MMP13: variants seen among roughly 807,000 people sequenced by gnomAD.
MMP13 encodes matrix metallopeptidase 13, also known as collagenase 3.
Under a neutral mutation model 52.1 loss-of-function variants are expected in MMP13, and 45 were observed. The ratio of observed to expected loss-of-function variants is 0.86; its 90% CI spans 0.68 to 1.11. The LOEUF is 1.11. Among genes scored for constraint, MMP13 ranks in the 50% least tolerant of loss-of-function variants. The probability of loss-of-function intolerance (pLI) is 0.00; values close to 1 mark genes in which losing one functional copy is unlikely to be tolerated. For missense variants in MMP13, 576 were observed against 583.8 expected (o/e 0.99, Z 0.14); for synonymous variants, 200 against 204.4 (o/e 0.98, Z 0.18).
rs1164162348 is a variant in MMP13 at position 102,943,051 on chromosome 11, C to A, written c.*1215G>T. ...CATAAACACTTCCTAATACACTTTG[C>A]AAATATGCATTTCATTTTCTTTGCC... is the stretch of plus-strand genomic sequence containing the variant. On this transcript the variant is annotated 3_prime_UTR_variant, in exon 10 of 10. Transcript: ENST00000260302. 1 of 152,218 alleles carries A rather than the reference C, an allele frequency of 6.6e-6. No individual in the cohort carries two copies. The highest frequency in any genetic ancestry group is 2.4e-5 in the African/African-American group (1 of 41,466). 9.4% of individuals were successfully genotyped at this position (152,218 alleles called of 1,614,324 possible). A position where few individuals can be genotyped will look rare whatever the true frequency, so the allele number is the denominator to read the frequency against.
intron 9 of MMP13, chr11:102,945,228 A>G: frequency 1.3e-6 from 1 of 760,082 alleles, no homozygotes. Context: ...TGGGTGACAG[A>G]GTGAGACTCT....
At position 102,955,499 on chromosome 11, in the gene MMP13, A is replaced by G. The variant is rs1860683629; in HGVS notation, c.121-6T>C. ...TAGTATGATCTCAGGTAGCGCTAGA[A>G]AAGACACCAAAATGAACTGCGTTTA... On this transcript the variant is annotated splice_region_variant and splice_polypyrimidine_tract_variant and intron_variant, in intron 1 of 9. Coordinates refer to ENST00000260302, the MANE Select transcript of MMP13 (RefSeq NM_002427.4). This position sits in a 1 kb window ranked among gnomAD's most constrained non-coding sequence, Gnocchi z 4.9. The G allele has an allele frequency of 6.2e-7, 1 of 1,614,008 alleles. No homozygotes were observed. Among genetic ancestry groups the G allele is most frequent in the Non-Finnish European group, 8.5e-7 (1 of 1,179,906 alleles).
In MMP13 at chr11:102,952,833, A is replaced by G. The variant is rs759942602; in HGVS notation, c.638-660T>C. 1.1e-4 allele frequency among the ~76,000 whole-genome samples: 16 copies of G among 152,164 alleles called. No homozygotes were observed. Among genetic ancestry groups the G allele is most frequent in the Non-Finnish European group, 2.1e-4 (14 of 68,010 alleles). On this transcript the variant is annotated intron_variant, in intron 4 of 9. Transcript: ENST00000260302. The surrounding 1 kb of genome is among the most constrained non-coding windows in gnomAD (Gnocchi z 4.3). ...TTCCCTCTAAGCATTCTGTCTGCCA[A>G]TTTTGAGCCTCCTAATGCAGGTATT...
chr11:102,954,312 AT>A, intron 3 of MMP13, 31 bp from the exon 4 acceptor site: 2 of 1,613,588 alleles, frequency 1.2e-6, no homozygotes, highest in Non-Finnish European at 1.7e-6. Flanking sequence ...TAGGAGTCTT[AT>A]CACATCCAGG....
chr11:102,946,850 G>A (rs1284537792), intron 8 of MMP13, among the ~76,000 whole-genome samples: 1 of 152,114 alleles, frequency 6.6e-6, no homozygotes, highest in Non-Finnish European at 1.5e-5. Context: ...AGGCAAAGAT[G>A]ATATATACAG....
chr11:102,949,581 G>T lies in MMP13; in HGVS notation c.918-423C>A, dbSNP rs1860575056. Among the ~76,000 whole-genome samples the T allele has an allele frequency of 6.6e-6, 1 of 152,152 alleles. No homozygotes were observed. The highest frequency in any genetic ancestry group is 2.4e-5 in the African/African-American group (1 of 41,434). ...GCCCCACGAGTACAATGTAATTAGAGTTATAACAGAGGGGATAAACATGCT... is the reference window on the plus strand; with the variant it reads ...GCCCCACGAGTACAATGTAATTAGATTTATAACAGAGGGGATAAACATGCT... On this transcript the variant is annotated intron_variant, in intron 6 of 9. Transcript: ENST00000260302. The surrounding 1 kb of genome is among the most constrained non-coding windows in gnomAD (Gnocchi z 4.2).
At chr11:102,950,579 A>AT (rs754221775) in intron 5 of MMP13, among the ~76,000 whole-genome samples, 16 of 152,146 alleles carry the variant, frequency 1.1e-4, no homozygotes, top group Non-Finnish European at 1.5e-4. Context: ...CCTTAAAGCC[A>AT]TTTTTGATGG....
intron 8 of MMP13, among the ~76,000 whole-genome samples, chr11:102,946,518 G>C (rs1264916638): frequency 6.6e-6 from 1 of 152,214 alleles, no homozygotes; most frequent in Admixed American, 6.5e-5. Flanking sequence ...GAAATGTCAT[G>C]GGAGTACAGG....
rs1166412491 is a variant in MMP13, at chr11:102,952,646, A to G, written c.638-473T>C. On this transcript the variant is annotated intron_variant, in intron 4 of 9. Transcript: ENST00000260302. This position sits in a 1 kb window ranked among gnomAD's most constrained non-coding sequence, Gnocchi z 4.3. ...GGATGGTACCAAGGATGGAGGATGC[A>G]CTAAATAGGTTCTCTGTGTTTACTC... Among the ~76,000 whole-genome samples, 1 of 152,154 alleles carries G rather than the reference A, an allele frequency of 6.6e-6. No homozygotes were observed. The highest frequency in any genetic ancestry group is 1.9e-4 in the East Asian group (1 of 5,190).
At chr11:102,945,609 A>G in intron 9 of MMP13, 37 bp downstream of exon 9, 1 of 1,244,832 alleles carries the variant, frequency 8.0e-7, no homozygotes, top group Non-Finnish European at 1.2e-6. Flanking sequence ...GGGCTACAGA[A>G]GCTCCTCTTT....
Position 102,952,803 on chromosome 11 carries a change from C to T in MMP13, c.638-630G>A, listed in dbSNP as rs1395570656. On this transcript the variant is annotated intron_variant, in intron 4 of 9. Coordinates refer to ENST00000260302, the MANE Select transcript of MMP13 (RefSeq NM_002427.4). The surrounding 1 kb of genome is among the most constrained non-coding windows in gnomAD (Gnocchi z 4.3). ...GAAGACTACTATGTCACTGTATTTA[C>T]ATTGTTCCCTCTAAGCATTCTGTCT... Among the ~76,000 whole-genome samples, 2 of 152,142 alleles carry T rather than the reference C, an allele frequency of 1.3e-5. No homozygotes were observed. The highest frequency in any genetic ancestry group is 4.8e-5 in the African/African-American group (2 of 41,442).
intron 9 of MMP13, chr11:102,945,265 A>G (rs1044588370): frequency 2.1e-6 from 2 of 962,464 alleles, no homozygotes; most frequent in African/African-American, 1.8e-5. Context: ...AAGGTTGAGA[A>G]CATAATTAAA....
Position 102,955,621 on chromosome 11 carries a change from C to T in MMP13, c.85G>A (p.Asp29Asn), listed in dbSNP as rs150142500. ...TGGAGGTCTTCCTCAGACAAATCATCTTCATCACCACCACTGGGAAGGGGC... is the reference window on the plus strand; with the variant it reads ...TGGAGGTCTTCCTCAGACAAATCATTTTCATCACCACCACTGGGAAGGGGC... ...ALPLPSGGDE[D>N]DLSEEDLQFA... The change falls in exon 1 of 10, where the codon GAT (aspartate) becomes AAT (asparagine). Residue 29 changes from aspartate (D) to asparagine (N), a missense_variant. By Grantham distance (23) the Asp-to-Asn change is conservative. Coordinates refer to ENST00000260302, the MANE Select transcript of MMP13 (RefSeq NM_002427.4). This position sits in a 1 kb window ranked among gnomAD's most constrained non-coding sequence, Gnocchi z 4.9. 4 of 1,614,056 alleles carry T rather than the reference C, an allele frequency of 2.5e-6. No individual in the cohort carries two copies. Among genetic ancestry groups the T allele is most frequent in the Non-Finnish European group, 1.7e-6 (2 of 1,179,932 alleles).
rs1860536315 is a variant in MMP13, at chr11:102,947,756, G to A, written c.1211+135C>T. On this transcript the variant is annotated intron_variant, in intron 8 of 9. Coordinates refer to ENST00000260302, the MANE Select transcript of MMP13 (RefSeq NM_002427.4). ...TACATGTCTGAGGGTCTGCCTGAAA[G>A]AGCTGACATGGAATGAAAATGAATG... is the stretch of plus-strand genomic sequence containing the variant. 3 of 969,654 alleles carry A rather than the reference G, an allele frequency of 3.1e-6. No homozygotes were observed. In the African/African-American group the frequency reaches 4.8e-5, roughly 16 times the overall value. The allele number at this position is 969,654 out of a possible 1,614,324, so 60.1% of individuals were successfully genotyped here. A position where few individuals can be genotyped will look rare whatever the true frequency, so the allele number is the denominator to read the frequency against.
chr11:102,945,719 T>G lies in MMP13; in HGVS notation c.1242A>C (p.Lys414Asn). 6.3e-7 allele frequency: 1 copy of G among 1,597,028 alleles called. No homozygotes were observed. Among genetic ancestry groups the G allele is most frequent in the Non-Finnish European group, 8.6e-7 (1 of 1,165,676 alleles). ...RYDDTNHIMDKDYPRLIEEDF... is the reference protein window; with the variant it reads ...RYDDTNHIMDNDYPRLIEEDF... ...CTTCTTCTATTAGTCTCGGATAGTCTTTATCCATAATATGGTTAGTATCAT... is the reference window on the plus strand; with the variant it reads ...CTTCTTCTATTAGTCTCGGATAGTCGTTATCCATAATATGGTTAGTATCAT... The change falls in exon 9 of 10, where the codon AAA becomes AAC. Residue 414 changes from lysine (K) to asparagine (N), a missense_variant. By Grantham distance (94) the Lys-to-Asn change is moderately conservative. Transcript: ENST00000260302.
At chr11:102,947,800 A>T in intron 8 of MMP13, 91 bp downstream of exon 8, 1 of 1,380,966 alleles carries the variant, frequency 7.2e-7, no homozygotes, top group South Asian at 1.2e-5. Flanking sequence ...GACATTTACA[A>T]TAGTGTGTAG....
Position 102,954,568 on chromosome 11 carries a change from A to C in MMP13, c.401T>G (p.Val134Gly), listed in dbSNP as rs1860666939. 1.9e-6 allele frequency: 3 copies of C among 1,613,672 alleles called. No homozygotes were observed. Among genetic ancestry groups the C allele is most frequent in the Non-Finnish European group, 2.5e-6 (3 of 1,179,698 alleles). ...GAAGGCTTTTTTGAATGCCTTTTCG[A>C]CTTCAGAATGAGTCATATCAGGGGT... ...NYTPDMTHSE[V>G]EKAFKKAFKV... Residue 134 changes from valine to glycine, a missense_variant, in exon 3 of 10, where the codon GTC (valine) becomes GGC (glycine). Physicochemically the swap from Val to Gly is moderately radical, Grantham distance 109 (BLOSUM62 -3). Coordinates refer to ENST00000260302, the MANE Select transcript of MMP13 (RefSeq NM_002427.4).
At position 102,944,373 on chromosome 11, in the gene MMP13, G is replaced by GAA. The variant is rs781796295; in HGVS notation, c.1316-9_1316-8dup. ...TTGAAAAAATAGATATAACCTATAAGAAAAAGCATAAAGACAATTTCAGAG... is the reference window on the plus strand; with the variant it reads ...TTGAAAAAATAGATATAACCTATAAGAAAAAAAGCATAAAGACAATTTCAGAG... On this transcript the variant is annotated splice_region_variant and splice_polypyrimidine_tract_variant and intron_variant, in intron 9 of 9. Transcript: ENST00000260302. 203 of 1,572,168 alleles carry GAA rather than the reference G, an allele frequency of 1.3e-4. 1 individual carries two copies. In the African/African-American group the frequency reaches 2.3e-3, roughly 18 times the overall value.
rs1565255357 is a variant in MMP13 at position 102,952,199 on chromosome 11, G to GA, written c.638-27dup. Reference sequence around the variant, plus strand: ...CTGTAAGAAAACAAAGAAACAATGAGAAAAAAAGGAATTCCAGTGACCAGG... The same window carrying GA: ...CTGTAAGAAAACAAAGAAACAATGAGAAAAAAAAGGAATTCCAGTGACCAGG... On this transcript the variant is annotated intron_variant, in intron 4 of 9. Coordinates refer to ENST00000260302, the MANE Select transcript of MMP13 (RefSeq NM_002427.4). This position sits in a 1 kb window ranked among gnomAD's most constrained non-coding sequence, Gnocchi z 4.3. 5 of 1,610,208 alleles carry GA rather than the reference G, an allele frequency of 3.1e-6. No individual in the cohort carries two copies. The highest frequency in any genetic ancestry group is 1.7e-5 in the Admixed American group (1 of 59,670).
Sources: gnomAD v4.1 joint callset for allele counts (sites outside exome capture counted in the v4.1 genomes callset) on GRCh38, gnomAD v4.1.1 for gene constraint, Gnocchi (gnomAD v3.1) non-coding constraint, MANE v1.5 for transcripts, NCBI Gene and HGNC (gene_info 2026-07-23, HGNC 2026-07-21) for gene names.